PDGFRL: variants seen among roughly 807,000 people sequenced by gnomAD.
PDGFRL encodes platelet-derived growth factor receptor-like protein.
Under a neutral mutation model 37.2 loss-of-function variants are expected in PDGFRL, and 46 were observed. The observed-to-expected ratio is 1.24, with a 90% CI of 0.98 to 1.58. The LOEUF is 1.58. PDGFRL is among the 40% of genes most tolerant of loss of function. The pLI is 0.00. For synonymous variants in PDGFRL, 251 were observed against 184.3 expected, an observed-to-expected ratio of 1.36 and a Z score of -2.93; for missense variants, 692 against 467.6, an observed-to-expected ratio of 1.48 and a Z score of -4.43.
chr8:17,577,073 A>G (rs1803598221), upstream of PDGFRL: 1 of 870,762 alleles, frequency 1.1e-6, no homozygotes, highest in Non-Finnish European at 1.7e-6. Flanking sequence ...GTCACATTAC[A>G]CAGAGAACTA....
At chr8:17,600,063 C>T (rs1349948849) in intron 2 of PDGFRL, among the ~76,000 whole-genome samples, 1 of 152,174 alleles carries the variant, frequency 6.6e-6, no homozygotes, top group African/African-American at 2.4e-5. Flanking sequence ...TCTCTGATAA[C>T]CTTCACACCC....
intron 3 of PDGFRL, among the ~76,000 whole-genome samples, chr8:17,627,417 T>C (rs1281765070): frequency 6.6e-6 from 1 of 152,118 alleles, no homozygotes; most frequent in African/African-American, 2.4e-5. Context: ...TAATCTATAA[T>C]TATTCAAATG....
At chr8:17,592,210 A>C (rs1012506911) in intron 2 of PDGFRL, among the ~76,000 whole-genome samples, 9 of 152,212 alleles carry the variant, frequency 5.9e-5, no homozygotes, top group African/African-American at 1.4e-4. Context: ...CATGAAAAGT[A>C]ATGATGAAAA....
At chr8:17,621,420 A>C (rs963696201) in intron 3 of PDGFRL, among the ~76,000 whole-genome samples, 5 of 137,088 alleles carry the variant, frequency 3.6e-5, no homozygotes, top group African/African-American at 1.5e-4. Flanking sequence ...TTTTTTTTTC[A>C]GATGGGAAAG....
chr8:17,605,955 C>T (rs1238187764), intron 2 of PDGFRL, among the ~76,000 whole-genome samples: 1 of 152,144 alleles, frequency 6.6e-6, no homozygotes, highest in African/African-American at 2.4e-5. Flanking sequence ...CTTACTCCAC[C>T]CACAGACAAC....
chr8:17,629,480 C>A (rs1273060549), intron 4 of PDGFRL, among the ~76,000 whole-genome samples: 1 of 152,168 alleles, frequency 6.6e-6, no homozygotes, highest in Non-Finnish European at 1.5e-5. Context: ...ATTCCCACGT[C>A]AAGGCTGGCA....
intron 1 of PDGFRL, among the ~76,000 whole-genome samples, chr8:17,579,111 T>G (rs1209677677): frequency 2.0e-5 from 3 of 151,924 alleles, no homozygotes; most frequent in Non-Finnish European, 4.4e-5. Context: ...GGCAGAGAAC[T>G]GCTTGAACCT....
intron 1 of PDGFRL, among the ~76,000 whole-genome samples, chr8:17,580,042 T>A (rs185220343): frequency 6.6e-6 from 1 of 152,312 alleles, no homozygotes; most frequent in African/African-American, 2.4e-5. Flanking sequence ...TACCTACATA[T>A]TTTTATTGAA....
chr8:17,620,991 C>G, intron 2 of PDGFRL, 60 bp from the exon 3 acceptor site: 1 of 1,361,684 alleles, frequency 7.3e-7, no homozygotes, highest in Non-Finnish European at 1.0e-6. Flanking sequence ...CCGAGTGTGA[C>G]AGCTGGAGGG....
chr8:17,602,769 G>A (rs1037309156), intron 2 of PDGFRL, among the ~76,000 whole-genome samples: 1 of 152,084 alleles, frequency 6.6e-6, no homozygotes, highest in Non-Finnish European at 1.5e-5. Context: ...ACCCTGTCAT[G>A]AGAAGGTCCA....
At chr8:17,619,405 T>C (rs1255729367) in intron 2 of PDGFRL, among the ~76,000 whole-genome samples, 1 of 152,090 alleles carries the variant, frequency 6.6e-6, no homozygotes, top group Non-Finnish European at 1.5e-5. Context: ...AGAAAGAAAC[T>C]GAAGGGGTTT....
At chr8:17,627,773 G>T (rs1563526702) in intron 3 of PDGFRL, among the ~76,000 whole-genome samples, 1 of 151,778 alleles carries the variant, frequency 6.6e-6, no homozygotes, top group Non-Finnish European at 1.5e-5. Context: ...ACCACGCCTG[G>T]CCAGATTGCA....
chr8:17,583,209 AAC>A (rs1204664247), intron 1 of PDGFRL, among the ~76,000 whole-genome samples: 1 of 152,236 alleles, frequency 6.6e-6, no homozygotes, highest in East Asian at 1.9e-4. Context: ...GGGCAGAACT[AAC>A]ACAGAGAGTC....
chr8:17,622,514 G>T (rs561777822), intron 3 of PDGFRL, among the ~76,000 whole-genome samples: 1 of 152,126 alleles, frequency 6.6e-6, no homozygotes, highest in Non-Finnish European at 1.5e-5. Flanking sequence ...GTCCTTTCCT[G>T]CCCAAATAGC....
chr8:17,642,843 G>T lies in PDGFRL; in HGVS notation c.*42G>T, dbSNP rs748322568. ...TAATGAACTTATGGAAAGCCCATTT[G>T]TGTACACAGTCAGCTTTGGGGTTCC... is the stretch of plus-strand genomic sequence containing the variant. On this transcript the variant is annotated 3_prime_UTR_variant, in exon 6 of 6. Coordinates refer to ENST00000251630, the MANE Select transcript of PDGFRL (RefSeq NM_001372073.1). 10 of 1,299,438 alleles carry T rather than the reference G, an allele frequency of 7.7e-6. No homozygotes were observed. Among genetic ancestry groups the T allele is most frequent in the Non-Finnish European group, 5.5e-6 (5 of 901,960 alleles). The allele number at this position is 1,299,438 out of a possible 1,614,324, so 80.5% of individuals were successfully genotyped here.
chr8:17,576,821 C>T, upstream of PDGFRL: 1 of 401,656 alleles, frequency 2.5e-6, no homozygotes, highest in African/African-American at 2.2e-5. Flanking sequence ...GCACTTTTTA[C>T]AGAGCACTCA....
chr8:17,615,994 G>A (rs1466656492), intron 2 of PDGFRL, among the ~76,000 whole-genome samples: 7 of 152,166 alleles, frequency 4.6e-5, no homozygotes, highest in African/African-American at 9.7e-5. Context: ...GCTTGGCAGC[G>A]TGCCTGCACT....
At chr8:17,596,990 G>A (rs1804067279) in intron 2 of PDGFRL, among the ~76,000 whole-genome samples, 1 of 152,076 alleles carries the variant, frequency 6.6e-6, no homozygotes, top group South Asian at 2.1e-4. Context: ...CTCCCCAGGT[G>A]TTCATCCAAC....
At chr8:17,604,428 C>A (rs892566680) in intron 2 of PDGFRL, among the ~76,000 whole-genome samples, 1 of 152,138 alleles carries the variant, frequency 6.6e-6, no homozygotes, top group Non-Finnish European at 1.5e-5. Context: ...AGTTCATGTC[C>A]TTTGTAGGGA....
Sources: gnomAD v4.1 joint callset for allele counts (sites outside exome capture counted in the v4.1 genomes callset) on GRCh38, gnomAD v4.1.1 for gene constraint, MANE v1.5 for transcripts, NCBI Gene and HGNC (gene_info 2026-07-23, HGNC 2026-07-21) for gene names.